INTS12: variants seen among roughly 807,000 people sequenced by gnomAD.
INTS12 encodes integrator complex subunit 12.
INTS12 carries 13 observed loss-of-function variants against 41.6 expected under a neutral mutation model. The ratio of observed to expected loss-of-function variants is 0.31; its 90% confidence interval spans 0.20 to 0.50. INTS12 has a LOEUF of 0.50. Ranked by LOEUF, INTS12 falls within the 20% of genes least tolerant of loss-of-function variation. The probability of loss-of-function intolerance (pLI) is 0.98; values close to 1 mark genes in which losing one functional copy is unlikely to be tolerated. For missense variants in INTS12, 432 were observed against 541.6 expected (o/e 0.80, Z 2.01); for synonymous variants, 199 against 191.4 (o/e 1.04, Z -0.33).
intron 7 of INTS12, 109 bp from the exon 8 acceptor site, chr4:105,683,426 C>T (rs1731395257): frequency 2.4e-6 from 2 of 816,616 alleles, no homozygotes; most frequent in Admixed American, 5.8e-5. Context: ...AAATTAGGTT[C>T]TTATGAAGCT....
chr4:105,686,752 T>C lies in INTS12; in HGVS notation c.744A>G (p.Lys248=). 1 of 1,613,836 alleles carries C rather than the reference T, an allele frequency of 6.2e-7. No individual in the cohort carries two copies. The highest frequency in any genetic ancestry group is 2.2e-5 in the East Asian group (1 of 44,836). ...TCTCTTGTTTCAGTTTAGTTTCTGG[T>C]TTCTTAACCAATGGATCTTTGACAG... ...TPAVKDPLVK[K]PETKLKQETT... The change falls in exon 7 of 8, where the codon AAA becomes AAG. Residue 248 remains lysine, a synonymous_variant. Coordinates refer to ENST00000340139, the MANE Select transcript of INTS12 (RefSeq NM_020395.4).
chr4:105,686,851 G>A lies in INTS12; in HGVS notation c.658-13C>T, dbSNP rs777452141. 4.3e-6 allele frequency: 7 copies of A among 1,611,750 alleles called. No individual in the cohort carries two copies. The Middle Eastern group carries it at 5.0e-4, about 114-fold the overall frequency. ...GAGTTTTTTGAGCCTGCAAAAATCA[G>A]TGGATTAAATCAGATACAAAATCTT... On this transcript the variant is annotated splice_polypyrimidine_tract_variant and intron_variant, in intron 6 of 7. Transcript: ENST00000340139.
In INTS12 at chr4:105,684,027, T is replaced by G. The variant is rs1731418176; in HGVS notation, c.805-710A>C. 3.3e-5 allele frequency among the ~76,000 whole-genome samples: 5 copies of G among 152,192 alleles called. No individual in the cohort carries two copies. The South Asian group carries it at 1.0e-3, about 31-fold the overall frequency. Reference sequence around the variant, plus strand: ...GTTAAACTATCATGTAAGAGTCTCCTGCTCCTTTAATAAGGATTTTATCAA... The same window carrying G: ...GTTAAACTATCATGTAAGAGTCTCCGGCTCCTTTAATAAGGATTTTATCAA... On this transcript the variant is annotated intron_variant, in intron 7 of 7. Transcript: ENST00000340139.
chr4:105,700,065 T>C (rs1052120725), intron 2 of INTS12, 51 bp from the exon 3 acceptor site: 4 of 1,258,012 alleles, frequency 3.2e-6, no homozygotes, highest in East Asian at 4.9e-5. Context: ...CAATTATCTA[T>C]GTTAAAGTTT....
chr4:105,699,044 G>C (rs1731968898), intron 3 of INTS12, among the ~76,000 whole-genome samples: 1 of 152,116 alleles, frequency 6.6e-6, no homozygotes, highest in East Asian at 1.9e-4. Context: ...TACTACACTA[G>C]GTAACTCATT....
rs767350124 is a variant in INTS12, at chr4:105,683,016, C to G, written c.1106G>C (p.Gly369Ala). 6.8e-6 allele frequency: 11 copies of G among 1,614,122 alleles called. No individual in the cohort carries two copies. Among genetic ancestry groups the G allele is most frequent in the Non-Finnish European group, 9.3e-6 (11 of 1,179,972 alleles). Residue 369 changes from glycine to alanine, a missense_variant, in exon 8 of 8, where the codon GGT (glycine) becomes GCT (alanine). Physicochemically the swap from Gly to Ala is moderately conservative, Grantham distance 60 (BLOSUM62 0). This residue lies in a region of INTS12 where 258 missense variants were observed against 309.9 expected (regional missense o/e 0.83). Coordinates refer to ENST00000340139, the MANE Select transcript of INTS12 (RefSeq NM_020395.4). Reference protein sequence around the residue: ...PLKPPPPLTLGKTGLSRSVSC... With the variant: ...PLKPPPPLTLAKTGLSRSVSC... The stretch of plus-strand genomic sequence containing the variant: ...AACTGAGCGACTAAGGCCAGTTTTA[C>G]CCAAGGTTAGAGGTGGAGGTGGTTT...
At chr4:105,700,453 G>C (rs1732024195) in intron 2 of INTS12, among the ~76,000 whole-genome samples, 1 of 151,992 alleles carries the variant, frequency 6.6e-6, no homozygotes, top group Non-Finnish European at 1.5e-5. Context: ...GTGTGTGTAA[G>C]GGCTATCGTA....
chr4:105,702,334 C>T (rs891640264), intron 2 of INTS12, among the ~76,000 whole-genome samples: 1 of 151,896 alleles, frequency 6.6e-6, no homozygotes, highest in Non-Finnish European at 1.5e-5. Flanking sequence ...GACGGGGTTT[C>T]ATCATGTTAG....
chr4:105,698,986 TATA>T, intron 3 of INTS12, among the ~76,000 whole-genome samples: 1 of 152,188 alleles, frequency 6.6e-6, no homozygotes, highest in Non-Finnish European at 1.5e-5. Flanking sequence ...TATTAGGGAA[TATA>T]ATAAGAGTTG....
At chr4:105,700,532 ACT>A (rs1732027706) in intron 2 of INTS12, among the ~76,000 whole-genome samples, 1 of 146,482 alleles carries the variant, frequency 6.8e-6, no homozygotes, top group Non-Finnish European at 1.5e-5. Context: ...TTTTACCTCA[ACT>A]CTTTTTTTTT....
At position 105,705,341 on chromosome 4, in the gene INTS12, G is replaced by A. The variant is rs541338751; in HGVS notation, c.-171-1532C>T. 67 of 152,682 alleles carry A rather than the reference G, an allele frequency of 4.4e-4. 1 individual carries two copies. The highest frequency in any genetic ancestry group is 1.3e-3 in the African/African-American group (56 of 41,576). 9.5% of individuals were successfully genotyped at this position (152,682 alleles called of 1,614,324 possible). A position where few individuals can be genotyped will look rare whatever the true frequency, so the allele number is the denominator to read the frequency against. ...TACCCCATCATCCCCAGATGAAACCGTCTAGCTGCAGGAAAGCAAGCTCAA... is the reference window on the plus strand; with the variant it reads ...TACCCCATCATCCCCAGATGAAACCATCTAGCTGCAGGAAAGCAAGCTCAA... On this transcript the variant is annotated intron_variant, in intron 1 of 7. Coordinates refer to ENST00000340139, the MANE Select transcript of INTS12 (RefSeq NM_020395.4).
Position 105,682,637 on chromosome 4 carries a change from A to C in INTS12, c.*96T>G. 1 of 900,320 alleles carries C rather than the reference A, an allele frequency of 1.1e-6. No individual in the cohort carries two copies. Among genetic ancestry groups the C allele is most frequent in the Admixed American group, 2.4e-5 (1 of 42,002 alleles). The allele number at this position is 900,320 out of a possible 1,614,324, so 55.8% of individuals were successfully genotyped here. A position where few individuals can be genotyped will look rare whatever the true frequency, so the allele number is the denominator to read the frequency against. ...AAGAAACAATAGAAATTTGATTATGAAGACTTTTATTAAATTACAGTGTAT... is the reference window on the plus strand; with the variant it reads ...AAGAAACAATAGAAATTTGATTATGCAGACTTTTATTAAATTACAGTGTAT... On this transcript the variant is annotated 3_prime_UTR_variant, in exon 8 of 8. Transcript: ENST00000340139.
At chr4:105,694,951 G>A (rs891586845) in intron 4 of INTS12, among the ~76,000 whole-genome samples, 8 of 151,028 alleles carry the variant, frequency 5.3e-5, no homozygotes, top group African/African-American at 1.5e-4. Flanking sequence ...TTGAGACAGC[G>A]CCTCACTCTG....
At position 105,695,025 on chromosome 4, in the gene INTS12, A is replaced by G. The variant is rs12507921; in HGVS notation, c.309+491T>C. Among the ~76,000 whole-genome samples the G allele has an allele frequency of 7.4e-5, 11 of 149,298 alleles. 1 individual carries two copies. Among genetic ancestry groups the G allele is most frequent in the South Asian group, 6.5e-4 (3 of 4,604 alleles). Reference sequence around the variant, plus strand: ...CTGCAATCTCTGCCTCCTGGGCTCAAGCAATCCTCCCACCCCCCACCCGCC... The same window carrying G: ...CTGCAATCTCTGCCTCCTGGGCTCAGGCAATCCTCCCACCCCCCACCCGCC... On this transcript the variant is annotated intron_variant, in intron 4 of 7. Transcript: ENST00000340139.
chr4:105,696,204 G>A (rs12374256), intron 3 of INTS12, among the ~76,000 whole-genome samples: 8,187 of 152,172 alleles, frequency 0.054, 254 homozygotes, highest in Middle Eastern at 0.14. Context: ...ATATGTATAC[G>A]TCTGTGACAC....
intron 4 of INTS12, among the ~76,000 whole-genome samples, chr4:105,694,503 T>C (rs1264739127): frequency 2.0e-5 from 3 of 152,052 alleles, no homozygotes; most frequent in Non-Finnish European, 4.4e-5. Context: ...TTTTTGTATT[T>C]TTAGTAGAGA....
intron 5 of INTS12, among the ~76,000 whole-genome samples, 175 bp from the exon 6 acceptor site, chr4:105,692,310 CCT>C (rs1179744356): frequency 2.0e-5 from 3 of 151,544 alleles, no homozygotes; most frequent in African/African-American, 7.3e-5. Context: ...ACGGTGAAAC[CCT>C]GTCTCTACTA....
chr4:105,695,037 A>AC (rs1276121745), intron 4 of INTS12, among the ~76,000 whole-genome samples: 2 of 63,332 alleles, frequency 3.2e-5, no homozygotes, highest in South Asian at 7.3e-4. Context: ...CAATCCTCCC[A>AC]CCCCCCACCC....
At chr4:105,695,125 C>T (rs1731816489) in intron 4 of INTS12, among the ~76,000 whole-genome samples, 1 of 149,380 alleles carries the variant, frequency 6.7e-6, no homozygotes. Context: ...GATGGGGTTT[C>T]ATCATGTTGC....
Sources: gnomAD v4.1 joint callset for allele counts (sites outside exome capture counted in the v4.1 genomes callset) on GRCh38, gnomAD v4.1.1 for gene constraint, gnomAD v4.1.1 regional missense constraint, MANE v1.5 for transcripts, NCBI Gene and HGNC (gene_info 2026-07-23, HGNC 2026-07-21) for gene names.